The following KCMF1 variants were observed in gnomAD, a reference collection of about 807,000 sequenced individuals.
KCMF1 encodes E3 ubiquitin-protein ligase KCMF1.
A neutral mutation model predicts 41.1 loss-of-function variants in KCMF1; 3 were observed. That is an observed-to-expected ratio of 0.07 (90% CI 0.03 to 0.19). The LOEUF (loss-of-function observed/expected upper bound fraction) is 0.19, where lower values mean the gene tolerates loss of function less well. KCMF1 is among the 10% of genes least tolerant of loss of function. The pLI, the probability that KCMF1 is intolerant of heterozygous loss-of-function variation, is 1.00. For missense variants in KCMF1, 286 were observed against 488.9 expected, an observed-to-expected ratio of 0.58 and a Z score of 3.91; for synonymous variants, 142 against 164.5, an observed-to-expected ratio of 0.86 and a Z score of 1.04.
At chr2:85,036,786 GA>G (rs1440947819) in intron 3 of KCMF1, among the ~76,000 whole-genome samples, 1 of 149,748 alleles carries the variant, frequency 6.7e-6, no homozygotes, top group Non-Finnish European at 1.5e-5. Context: ...AACAGAACAA[GA>G]CCCTGTCTCC....
At chr2:85,040,505 C>T (rs1231275917) in intron 3 of KCMF1, among the ~76,000 whole-genome samples, 2 of 152,166 alleles carry the variant, frequency 1.3e-5, no homozygotes, top group Non-Finnish European at 2.9e-5. Context: ...CTTTGCTCTC[C>T]TTTTTCTTTC....
At chr2:84,987,662 G>A (rs1485097722) in intron 1 of KCMF1, among the ~76,000 whole-genome samples, 1 of 152,166 alleles carries the variant, frequency 6.6e-6, no homozygotes, top group East Asian at 1.9e-4. Flanking sequence ...CTACTCTGGG[G>A]TTCAGGAGAG....
At chr2:84,984,381 G>A (rs1673845488) in intron 1 of KCMF1, among the ~76,000 whole-genome samples, 1 of 151,942 alleles carries the variant, frequency 6.6e-6, no homozygotes, top group Admixed American at 6.6e-5. Context: ...GATTACAGAT[G>A]TGAGCCATCA....
intron 1 of KCMF1, among the ~76,000 whole-genome samples, chr2:85,023,605 G>A (rs1056506835): frequency 1.3e-5 from 2 of 152,206 alleles, no homozygotes; most frequent in Non-Finnish European, 2.9e-5. Flanking sequence ...ACAGGCGTGA[G>A]CCACCGCGCC....
At chr2:85,001,793 C>G (rs960970164) in intron 1 of KCMF1, among the ~76,000 whole-genome samples, 10 of 152,162 alleles carry the variant, frequency 6.6e-5, no homozygotes, top group Non-Finnish European at 1.3e-4. Flanking sequence ...AACATAGATA[C>G]ATTCTGAGAT....
At chr2:85,000,626 TAAACA>T (rs1674303520) in intron 1 of KCMF1, among the ~76,000 whole-genome samples, 1 of 152,208 alleles carries the variant, frequency 6.6e-6, no homozygotes, top group Admixed American at 6.5e-5. Context: ...TCTGGAATGT[TAAACA>T]GTCTTTGGTA....
intron 1 of KCMF1, among the ~76,000 whole-genome samples, chr2:85,005,553 G>A (rs1330050900): frequency 6.6e-6 from 1 of 152,014 alleles, no homozygotes; most frequent in East Asian, 1.9e-4. Context: ...GCCTCCCAAA[G>A]TGCTGGGATT....
intron 1 of KCMF1, among the ~76,000 whole-genome samples, chr2:85,020,088 G>A (rs1674892790): frequency 1.3e-5 from 2 of 152,088 alleles, no homozygotes; most frequent in Admixed American, 6.6e-5. Context: ...CAAGAGTAGA[G>A]CGAGCAAGGG....
chr2:85,020,671 GT>G (rs1475908899), intron 1 of KCMF1, among the ~76,000 whole-genome samples: 1 of 152,126 alleles, frequency 6.6e-6, no homozygotes, highest in African/African-American at 2.4e-5. Flanking sequence ...CAAACAATCT[GT>G]TCCCTTTAGT....
intron 1 of KCMF1, among the ~76,000 whole-genome samples, chr2:85,000,088 A>C (rs1022706602): frequency 3.3e-5 from 5 of 152,226 alleles, no homozygotes; most frequent in African/African-American, 4.8e-5. Context: ...TAATTTTTAC[A>C]ACATAGATTT....
chr2:85,020,727 T>A (rs1334174601), intron 1 of KCMF1, among the ~76,000 whole-genome samples: 1 of 152,198 alleles, frequency 6.6e-6, no homozygotes, highest in Non-Finnish European at 1.5e-5. Context: ...CCACTGCGCC[T>A]GACCTGGAAG....
chr2:85,025,798 T>C (rs889106017), intron 1 of KCMF1, among the ~76,000 whole-genome samples: 1 of 151,868 alleles, frequency 6.6e-6, no homozygotes, highest in African/African-American at 2.4e-5. Flanking sequence ...AAATGACATA[T>C]TTTTAATAAT....
At chr2:84,999,454 T>C (rs1343786300) in intron 1 of KCMF1, among the ~76,000 whole-genome samples, 2 of 152,230 alleles carry the variant, frequency 1.3e-5, no homozygotes, top group East Asian at 3.8e-4. Flanking sequence ...CCCGGCCTCA[T>C]TTATTTTTTA....
In KCMF1 at chr2:85,056,042, C is replaced by G. The variant is rs765054444; in HGVS notation, c.*2633C>G. The G allele has an allele frequency of 6.6e-6, 1 of 151,838 alleles. No homozygotes were observed. The highest frequency in any genetic ancestry group is 1.5e-5 in the Non-Finnish European group (1 of 67,994). The allele number at this position is 151,838 out of a possible 1,614,324, so 9.4% of individuals were successfully genotyped here. On this transcript the variant is annotated 3_prime_UTR_variant, in exon 7 of 7. Transcript: ENST00000409785. Reference sequence around the variant, plus strand: ...GAAATAACTGTGCTTCCTTGTATGGCTGCAATCATAAGACAGAATTTCTGT... The same window carrying G: ...GAAATAACTGTGCTTCCTTGTATGGGTGCAATCATAAGACAGAATTTCTGT...
At chr2:85,045,054 C>G (rs1172067759) in intron 4 of KCMF1, among the ~76,000 whole-genome samples, 2 of 152,064 alleles carry the variant, frequency 1.3e-5, no homozygotes, top group Non-Finnish European at 2.9e-5. Flanking sequence ...TGAAACCAAC[C>G]TGGACAACAT....
At chr2:85,028,242 G>A (rs1043928625) in intron 2 of KCMF1, among the ~76,000 whole-genome samples, 186 bp downstream of exon 2, 3 of 151,802 alleles carry the variant, frequency 2.0e-5, no homozygotes, top group Non-Finnish European at 4.4e-5. Flanking sequence ...GAGTGCAATG[G>A]CGCGATCTTG....
chr2:85,008,356 T>TATG (rs1674555068), intron 1 of KCMF1, among the ~76,000 whole-genome samples: 2 of 60,974 alleles, frequency 3.3e-5, no homozygotes, highest in Admixed American at 1.9e-4. Flanking sequence ...TAATATATAA[T>TATG]ATATATTATA....
chr2:85,009,751 A>G (rs1479183818), intron 1 of KCMF1, among the ~76,000 whole-genome samples: 1 of 152,188 alleles, frequency 6.6e-6, no homozygotes, highest in Non-Finnish European at 1.5e-5. Context: ...TCCGTTTTCA[A>G]CGATGCCTTG....
intron 1 of KCMF1, among the ~76,000 whole-genome samples, chr2:84,986,979 C>CT (rs1264031682): frequency 6.6e-6 from 1 of 152,196 alleles, no homozygotes; most frequent in Middle Eastern, 3.2e-3. Flanking sequence ...TGCTAGTAGT[C>CT]TGTTTTCTCA....
Sources: gnomAD v4.1 joint callset for allele counts (sites outside exome capture counted in the v4.1 genomes callset) on GRCh38, gnomAD v4.1.1 for gene constraint, MANE v1.5 for transcripts, NCBI Gene and HGNC (gene_info 2026-07-23, HGNC 2026-07-21) for gene names.